The following RCAN2 variants were observed in gnomAD, a reference collection of about 807,000 sequenced individuals.
The protein encoded by RCAN2 is calcipressin-2.
Under a neutral mutation model 23.6 loss-of-function variants are expected in RCAN2, and 9 were observed. That is an observed-to-expected ratio of 0.38 (90% CI 0.23 to 0.67). The LOEUF (loss-of-function observed/expected upper bound fraction) is 0.67, where lower values mean the gene tolerates loss of function less well. Among genes scored for constraint, RCAN2 ranks in the 30% least tolerant of loss-of-function variants. RCAN2 has a pLI of 0.51. For synonymous variants in RCAN2, 109 were observed against 115.7 expected (o/e 0.94, Z 0.37); for missense variants, 273 against 302.3 (o/e 0.90, Z 0.72).
At position 46,233,721 on chromosome 6, in the gene RCAN2, C is replaced by CTTTTTTTTTTTTTTTTTTTTTTTT. The variant is rs1240948992; in HGVS notation, c.572-10421_572-10420insAAAAAAAAAAAAAAAAAAAAAAAA. ...TCCCTGGCTGAGATGAAGAACACTTCTTTTTTTTTTTTTTTTTTCTTGAGA... is the reference window on the plus strand; with the variant it reads ...TCCCTGGCTGAGATGAAGAACACTTCTTTTTTTTTTTTTTTTTTTTTTTTTTTTTTTTTTTTTTTTTTCTTGAGA... On this transcript the variant is annotated intron_variant, in intron 4 of 4. Coordinates refer to ENST00000371374, the MANE Select transcript of RCAN2 (RefSeq NM_001251974.2). 5.4e-5 allele frequency among the ~76,000 whole-genome samples: 7 copies of CTTTTTTTTTTTTTTTTTTTTTTTT among 130,768 alleles called. 1 individual carries two copies. Among genetic ancestry groups the CTTTTTTTTTTTTTTTTTTTTTTTT allele is most frequent in the Non-Finnish European group, 4.9e-5 (3 of 61,802 alleles). 85.8% of individuals were successfully genotyped at this position (130,768 alleles called of 152,430 possible). A position where few individuals can be genotyped will look rare whatever the true frequency, so the allele number is the denominator to read the frequency against.
At chr6:46,459,212 A>G (rs1016888415) in intron 1 of RCAN2, among the ~76,000 whole-genome samples, 4 of 152,218 alleles carry the variant, frequency 2.6e-5, no homozygotes, top group Non-Finnish European at 5.9e-5. Context: ...AACTCTTTTG[A>G]TAATGAAGTC....
chr6:46,243,137 G>A (rs1766365821), intron 4 of RCAN2, among the ~76,000 whole-genome samples: 1 of 152,196 alleles, frequency 6.6e-6, no homozygotes, highest in Non-Finnish European at 1.5e-5. Context: ...AGGATGCCAT[G>A]GGGAGGAGGA....
In RCAN2 at chr6:46,340,204, T is replaced by C. The variant is rs530335054; in HGVS notation, c.226-91308A>G. Among the ~76,000 whole-genome samples the C allele has an allele frequency of 8.3e-4, 127 of 152,314 alleles. 2 individuals are homozygous for C. Among genetic ancestry groups the C allele is most frequent in the African/African-American group, 2.9e-3 (119 of 41,568 alleles). ...GCTACTACTACTACCAAGACAGTCTTCGGTGCTTGCCATAAAGTCTCCTAC... is the reference window on the plus strand; with the variant it reads ...GCTACTACTACTACCAAGACAGTCTCCGGTGCTTGCCATAAAGTCTCCTAC... On this transcript the variant is annotated intron_variant, in intron 2 of 4. Transcript: ENST00000371374.
At chr6:46,300,184 G>T (rs944017367) in intron 2 of RCAN2, among the ~76,000 whole-genome samples, 8 of 151,738 alleles carry the variant, frequency 5.3e-5, no homozygotes, top group Non-Finnish European at 1.2e-4. Flanking sequence ...AAAAAAGATG[G>T]AAAATATAGA....
intron 2 of RCAN2, among the ~76,000 whole-genome samples, chr6:46,449,099 C>T (rs9463204): frequency 0.052 from 7,889 of 151,944 alleles, 671 homozygotes; most frequent in African/African-American, 0.18. Context: ...CATCAAACAA[C>T]TGTTAGAACT....
intron 1 of RCAN2, among the ~76,000 whole-genome samples, chr6:46,490,601 T>C (rs1489408244): frequency 6.6e-6 from 1 of 151,992 alleles, no homozygotes; most frequent in Non-Finnish European, 1.5e-5. Context: ...TGCGCTCCGC[T>C]CCATTTCACT....
intron 2 of RCAN2, among the ~76,000 whole-genome samples, chr6:46,250,790 G>A (rs1430181442): frequency 6.6e-6 from 1 of 152,140 alleles, no homozygotes; most frequent in South Asian, 2.1e-4. Context: ...AGTGAGGTGG[G>A]GTTGTAAAAA....
intron 3 of RCAN2, 58 bp downstream of exon 3, chr6:46,248,665 A>C: frequency 2.2e-6 from 3 of 1,373,158 alleles, no homozygotes; most frequent in Admixed American, 2.4e-5. Context: ...TTTACATTTT[A>C]AAATGGTAAA....
chr6:46,448,661 A>G (rs1767784393), intron 2 of RCAN2, among the ~76,000 whole-genome samples: 1 of 151,942 alleles, frequency 6.6e-6, no homozygotes, highest in African/African-American at 2.4e-5. Flanking sequence ...CAGAAAAGCA[A>G]GAATAATTCA....
chr6:46,313,731 A>T (rs1317559112), intron 2 of RCAN2, among the ~76,000 whole-genome samples: 3 of 152,300 alleles, frequency 2.0e-5, no homozygotes, highest in Admixed American at 6.5e-5. Flanking sequence ...TTCTAACCAG[A>T]ATTTCTCATT....
At chr6:46,388,723 T>C (rs1258166836) in intron 2 of RCAN2, among the ~76,000 whole-genome samples, 1 of 152,130 alleles carries the variant, frequency 6.6e-6, no homozygotes, top group Non-Finnish European at 1.5e-5. Context: ...CTGCATGTTT[T>C]CCCTCATAAG....
intron 4 of RCAN2, among the ~76,000 whole-genome samples, chr6:46,226,300 T>C (rs1582002263): frequency 6.6e-6 from 1 of 152,192 alleles, no homozygotes. Flanking sequence ...AACTTTAAAG[T>C]AGTTTTTCCA....
intron 2 of RCAN2, among the ~76,000 whole-genome samples, chr6:46,388,584 G>A (rs1438493410): frequency 1.3e-5 from 2 of 152,142 alleles, no homozygotes; most frequent in Non-Finnish European, 1.5e-5. Context: ...TAAAGAAAAT[G>A]TGGTACATAC....
chr6:46,319,496 G>A (rs1763541158), intron 2 of RCAN2, among the ~76,000 whole-genome samples: 1 of 152,174 alleles, frequency 6.6e-6, no homozygotes, highest in Non-Finnish European at 1.5e-5. Flanking sequence ...TCTTTAAACA[G>A]ATAAACAAGT....
chr6:46,458,661 A>G (rs908951317), intron 1 of RCAN2, among the ~76,000 whole-genome samples: 3 of 152,162 alleles, frequency 2.0e-5, no homozygotes, highest in Non-Finnish European at 4.4e-5. Flanking sequence ...CTAGAAGGAA[A>G]AACATGTAAT....
intron 2 of RCAN2, among the ~76,000 whole-genome samples, chr6:46,434,139 C>G (rs1421178737): frequency 1.3e-5 from 2 of 152,196 alleles, no homozygotes; most frequent in African/African-American, 2.4e-5. Context: ...TCTTTAGGTT[C>G]CATTCACACT....
intron 2 of RCAN2, among the ~76,000 whole-genome samples, chr6:46,355,852 C>T (rs982850889): frequency 2.2e-4 from 33 of 152,144 alleles, no homozygotes; most frequent in African/African-American, 7.5e-4. Context: ...GCTTGAAAAT[C>T]GAAGTGAGGA....
At chr6:46,416,280 T>A (rs1041777320) in intron 2 of RCAN2, among the ~76,000 whole-genome samples, 1 of 150,654 alleles carries the variant, frequency 6.6e-6, no homozygotes, top group Non-Finnish European at 1.5e-5. Flanking sequence ...AAGGCACCAA[T>A]CACCTCTAAG....
intron 2 of RCAN2, among the ~76,000 whole-genome samples, chr6:46,427,886 A>T (rs1767078981): frequency 6.6e-6 from 1 of 152,262 alleles, no homozygotes; most frequent in South Asian, 2.1e-4. Context: ...ACTAAGGACC[A>T]CGTTTCAGCT....
Sources: allele counts gnomAD v4.1 joint callset (sites outside exome capture counted in the v4.1 genomes callset), GRCh38; gene constraint gnomAD v4.1.1; transcripts MANE v1.5; gene names NCBI Gene and HGNC (gene_info 2026-07-23, HGNC 2026-07-21).